The following NEK1 variants were observed in gnomAD, a reference collection of about 807,000 sequenced individuals.
The protein encoded by NEK1 is serine/threonine-protein kinase Nek1.
Under a neutral mutation model 182.1 loss-of-function variants are expected in NEK1, and 137 were observed. The ratio of observed to expected loss-of-function variants is 0.75; its 90% CI spans 0.65 to 0.87. The LOEUF (loss-of-function observed/expected upper bound fraction) is 0.87, where lower values mean the gene tolerates loss of function less well. Among genes scored for constraint, NEK1 ranks in the 40% least tolerant of loss-of-function variants. The pLI is 0.00. For synonymous variants in NEK1, 513 were observed against 492.2 expected, an observed-to-expected ratio of 1.04 and a Z score of -0.56; for missense variants, 1,391 against 1,494.4, an observed-to-expected ratio of 0.93 and a Z score of 1.14.
chr4:169,554,395 G>A (rs923866079), intron 18 of NEK1: 11 of 148,890 alleles, frequency 7.4e-5, no homozygotes, highest in Non-Finnish European at 1.0e-4. Flanking sequence ...CTCCAGCCTG[G>A]GGATAGAACA....
At chr4:169,418,900 C>T (rs1051827633) in intron 31 of NEK1, among the ~76,000 whole-genome samples, 1 of 151,820 alleles carries the variant, frequency 6.6e-6, no homozygotes, top group Non-Finnish European at 1.5e-5. Flanking sequence ...ATCAATGAAC[C>T]CCAAAACAGG....
At chr4:169,466,292 A>C (rs768470220) in intron 26 of NEK1, among the ~76,000 whole-genome samples, 3 of 152,106 alleles carry the variant, frequency 2.0e-5, no homozygotes, top group Non-Finnish European at 2.9e-5. Flanking sequence ...TGAAAACTAT[A>C]AACTCATAAA....
At chr4:169,477,700 G>A (rs1747225806) in intron 24 of NEK1, among the ~76,000 whole-genome samples, 1 of 151,532 alleles carries the variant, frequency 6.6e-6, no homozygotes, top group South Asian at 2.1e-4. Flanking sequence ...CATAGACAGG[G>A]GCCAATTCTC....
At chr4:169,451,104 C>T (rs996958038) in intron 27 of NEK1, among the ~76,000 whole-genome samples, 1 of 152,154 alleles carries the variant, frequency 6.6e-6, no homozygotes, top group Non-Finnish European at 1.5e-5. Context: ...AATATATATG[C>T]ACCCAATACA....
In NEK1 at chr4:169,561,765, T is replaced by TAC. The variant is rs762970702; in HGVS notation, c.1141-30_1141-29dup. ...GTAACAATTTTAAAGACAAGCTTCT[T>TAC]ACAACTCTTGAACCTATTATCACTT... On this transcript the variant is annotated intron_variant, in intron 14 of 35. Transcript: ENST00000507142. 13 of 1,595,434 alleles carry TAC rather than the reference T, an allele frequency of 8.1e-6. No individual in the cohort carries two copies. The African/African-American group carries it at 1.6e-4, about 20-fold the overall frequency.
intron 18 of NEK1, among the ~76,000 whole-genome samples, chr4:169,543,533 G>A (rs556277961): frequency 6.6e-6 from 1 of 152,290 alleles, no homozygotes; most frequent in Non-Finnish European, 1.5e-5. Context: ...AAAGTCAATG[G>A]TAGCTTGATG....
At chr4:169,522,380 A>C (rs1189411554) in intron 19 of NEK1, among the ~76,000 whole-genome samples, 1 of 152,172 alleles carries the variant, frequency 6.6e-6, no homozygotes, top group Non-Finnish European at 1.5e-5. Flanking sequence ...TGTCAAATCA[A>C]TGTCATTTCT....
intron 31 of NEK1, among the ~76,000 whole-genome samples, chr4:169,419,320 C>G (rs779073684): frequency 1.3e-5 from 2 of 150,968 alleles, no homozygotes; most frequent in Non-Finnish European, 3.0e-5. Context: ...AAAACACTTT[C>G]ATACAAACAA....
chr4:169,424,340 TA>T (rs542880931), intron 31 of NEK1, among the ~76,000 whole-genome samples: 1 of 151,956 alleles, frequency 6.6e-6, no homozygotes, highest in African/African-American at 2.4e-5. Context: ...AAAGACTCTA[TA>T]AAAAAAATCC....
At chr4:169,583,038 C>T (rs1287267268) in intron 10 of NEK1, among the ~76,000 whole-genome samples, 1 of 151,932 alleles carries the variant, frequency 6.6e-6, no homozygotes, top group African/African-American at 2.4e-5. Context: ...CTTGAGAGGA[C>T]TGAGGTATTA....
At chr4:169,599,032 C>A (rs1020877311) in intron 5 of NEK1, 68 bp downstream of exon 5, 31 of 1,188,108 alleles carry the variant, frequency 2.6e-5, no homozygotes, top group Non-Finnish European at 3.6e-5. Flanking sequence ...AACAAATACA[C>A]ACATAAACAA....
At chr4:169,496,499 C>T (rs1751317187) in intron 23 of NEK1, among the ~76,000 whole-genome samples, 1 of 151,298 alleles carries the variant, frequency 6.6e-6, no homozygotes, top group Admixed American at 6.6e-5. Flanking sequence ...AAAGGGAATG[C>T]TTCCAGTTTT....
intron 5 of NEK1, among the ~76,000 whole-genome samples, chr4:169,593,144 CA>C (rs70964212): frequency 0.37 from 48,109 of 130,856 alleles, 10,349 homozygotes; most frequent in African/African-American, 0.66. Flanking sequence ...CAGGAACTAG[CA>C]AAAAAAAAAA....
At chr4:169,504,693 G>A (rs775109080) in intron 23 of NEK1, among the ~76,000 whole-genome samples, 2 of 152,112 alleles carry the variant, frequency 1.3e-5, no homozygotes, top group African/African-American at 2.4e-5. Flanking sequence ...TAAAACAATT[G>A]AATTCATGGA....
intron 11 of NEK1, 84 bp downstream of exon 11, chr4:169,580,758 C>T: frequency 1.2e-6 from 1 of 801,428 alleles, no homozygotes. Flanking sequence ...ATTATCCCAA[C>T]TTACTACATC....
intron 23 of NEK1, among the ~76,000 whole-genome samples, chr4:169,495,178 T>G (rs1392521731): frequency 6.6e-6 from 1 of 151,584 alleles, no homozygotes. Flanking sequence ...GTCTATGTAC[T>G]GAATGGTACT....
At chr4:169,575,636 C>T (rs1347132793) in intron 12 of NEK1, among the ~76,000 whole-genome samples, 5 of 152,174 alleles carry the variant, frequency 3.3e-5, no homozygotes, top group Non-Finnish European at 5.9e-5. Flanking sequence ...GTGAGTTCAA[C>T]GGCTCCTCAA....
intron 35 of NEK1, among the ~76,000 whole-genome samples, chr4:169,397,835 C>A (rs1322778525): frequency 6.6e-6 from 1 of 152,146 alleles, no homozygotes; most frequent in Non-Finnish European, 1.5e-5. Flanking sequence ...ACTTAAGGGG[C>A]AAGGCAAACT....
At chr4:169,601,090 T>C (rs924339647) in intron 4 of NEK1, among the ~76,000 whole-genome samples, 1 of 152,344 alleles carries the variant, frequency 6.6e-6, no homozygotes, top group African/African-American at 2.4e-5. Flanking sequence ...ACATGAAATA[T>C]AAATCTTCAT....
Sources: gnomAD v4.1 joint callset for allele counts (sites outside exome capture counted in the v4.1 genomes callset) on GRCh38, gnomAD v4.1.1 for gene constraint, MANE v1.5 for transcripts, NCBI Gene and HGNC (gene_info 2026-07-23, HGNC 2026-07-21) for gene names.